The following NRG3 variants were observed in gnomAD, a reference collection of about 807,000 sequenced individuals.
The protein encoded by NRG3 is pro-neuregulin-3, membrane-bound isoform.
NRG3 carries 31 observed loss-of-function variants against 66.9 expected under a neutral mutation model. The ratio of observed to expected loss-of-function variants is 0.46; its 90% CI spans 0.35 to 0.63. The LOEUF is 0.63. NRG3 is among the 20% of genes least tolerant of loss of function. The pLI is 0.00. For missense variants in NRG3, 910 were observed against 878.9 expected (o/e 1.04, Z -0.45); for synonymous variants, 393 against 359.4 (o/e 1.09, Z -1.06).
rs889447549 is a variant in NRG3, at chr10:82,752,805, G to T, written c.1027+14155G>T. On this transcript the variant is annotated intron_variant, in intron 3 of 8. Coordinates refer to ENST00000372141, the MANE Select transcript of NRG3 (RefSeq NM_001010848.4). ...GCAAGAAGACGCAGTATAAGTACAA[G>T]GGCCTTTTACCTGCCAGCACTTTGA... Among the ~76,000 whole-genome samples, 4 of 152,140 alleles carry T rather than the reference G, an allele frequency of 2.6e-5. No homozygotes were observed. The South Asian group carries it at 8.3e-4, about 31-fold the overall frequency.
chr10:82,454,975 G>T (rs1307497126), intron 2 of NRG3, among the ~76,000 whole-genome samples: 2 of 152,198 alleles, frequency 1.3e-5, no homozygotes, highest in African/African-American at 4.8e-5. Context: ...TGAGGAAATT[G>T]ACAGCACAGA....
At chr10:82,805,394 C>T (rs960956553) in intron 3 of NRG3, among the ~76,000 whole-genome samples, 2 of 152,172 alleles carry the variant, frequency 1.3e-5, no homozygotes, top group African/African-American at 4.8e-5. Flanking sequence ...CACTGCTCCT[C>T]AAATAATTCC....
At position 82,979,045 on chromosome 10, in the gene NRG3, G is replaced by C. The variant is rs149882313; in HGVS notation, c.1508G>C (p.Gly503Ala). 81 of 1,614,116 alleles carry C rather than the reference G, an allele frequency of 5.0e-5. No individual in the cohort carries two copies. The highest frequency in any genetic ancestry group is 6.6e-5 in the Non-Finnish European group (78 of 1,179,992). Reference protein sequence around the residue: ...RTPPSPRSRLGGIVGPAYQQL... With the variant: ...RTPPSPRSRLAGIVGPAYQQL... ...CCCCCGTCACCCCGAAGTAGGCTAG[G>C]TGGAATTGTGGGACCAGCATATCAG... is the stretch of plus-strand genomic sequence containing the variant. The change falls in exon 8 of 9, where the codon GGT (glycine) becomes GCT (alanine). Residue 503 changes from glycine (G) to alanine (A), a missense_variant. Coordinates refer to ENST00000372141, the MANE Select transcript of NRG3 (RefSeq NM_001010848.4).
chr10:82,927,890 C>G (rs1466449023), intron 4 of NRG3, among the ~76,000 whole-genome samples: 1 of 152,128 alleles, frequency 6.6e-6, no homozygotes, highest in African/African-American at 2.4e-5. Flanking sequence ...AATGGTATTT[C>G]TGTTTCTAGA....
chr10:82,599,840 A>G (rs2047510328), intron 2 of NRG3, among the ~76,000 whole-genome samples: 1 of 152,160 alleles, frequency 6.6e-6, no homozygotes, highest in African/African-American at 2.4e-5. Flanking sequence ...AAATCAAAAT[A>G]AAGTGAAACA....
intron 4 of NRG3, among the ~76,000 whole-genome samples, chr10:82,895,343 T>C (rs1039830297): frequency 2.0e-5 from 3 of 151,950 alleles, no homozygotes; most frequent in South Asian, 4.2e-4. Flanking sequence ...GGTTGAAGAG[T>C]TGAGCTTAGA....
chr10:82,027,873 G>T (rs933219327), intron 1 of NRG3, among the ~76,000 whole-genome samples: 3 of 152,104 alleles, frequency 2.0e-5, no homozygotes, highest in African/African-American at 7.2e-5. Context: ...AAGACAGGAG[G>T]TGGAGAGCAG....
At chr10:82,637,229 G>A (rs984868228) in intron 2 of NRG3, among the ~76,000 whole-genome samples, 2 of 152,038 alleles carry the variant, frequency 1.3e-5, no homozygotes, top group African/African-American at 4.8e-5. Flanking sequence ...GGACACATAA[G>A]CCTTTTTAAA....
chr10:82,600,785 A>T (rs889895307), intron 2 of NRG3, among the ~76,000 whole-genome samples: 7 of 151,650 alleles, frequency 4.6e-5, no homozygotes, highest in African/African-American at 1.5e-4. Flanking sequence ...ATTTATTTTT[A>T]TTTTTTTTAA....
chr10:82,122,497 G>T (rs894536848), intron 1 of NRG3, among the ~76,000 whole-genome samples: 2 of 152,132 alleles, frequency 1.3e-5, no homozygotes, highest in African/African-American at 4.8e-5. Context: ...TGATAGCTCT[G>T]TTTCCTTTAT....
In NRG3 at chr10:82,959,040, G is replaced by A. The variant is rs1230352320; in HGVS notation, c.1249G>A (p.Glu417Lys). The change falls in exon 6 of 9, where the codon GAG becomes AAG. Residue 417 changes from glutamate to lysine, a missense_variant. Coordinates refer to ENST00000372141, the MANE Select transcript of NRG3 (RefSeq NM_001010848.4). Reference protein sequence around the residue: ...LKASSTMAKSENLVKSHVQLQ... With the variant: ...LKASSTMAKSKNLVKSHVQLQ... The stretch of plus-strand genomic sequence containing the variant: ...AGCATCCAGCACAATGGCAAAGTCA[G>A]AGAACTTGGTGAAGAGCCATGTCCA... 38 of 1,607,070 alleles carry A rather than the reference G, an allele frequency of 2.4e-5. No individual in the cohort carries two copies. The highest frequency in any genetic ancestry group is 3.1e-5 in the Non-Finnish European group (36 of 1,178,042).
At chr10:82,615,949 T>C (rs2048618794) in intron 2 of NRG3, among the ~76,000 whole-genome samples, 1 of 152,136 alleles carries the variant, frequency 6.6e-6, no homozygotes, top group African/African-American at 2.4e-5. Flanking sequence ...ACCTAGAATG[T>C]ACTTTAGATA....
At chr10:82,803,484 T>C (rs948675960) in intron 3 of NRG3, among the ~76,000 whole-genome samples, 3 of 152,314 alleles carry the variant, frequency 2.0e-5, no homozygotes, top group Non-Finnish European at 4.4e-5. Context: ...TTTAAAAAAA[T>C]GTTAGTTCAA....
chr10:82,901,653 A>G (rs1384258638), intron 4 of NRG3, among the ~76,000 whole-genome samples: 1 of 152,212 alleles, frequency 6.6e-6, no homozygotes, highest in East Asian at 1.9e-4. Context: ...TGGTACATAC[A>G]GAACAGGTGA....
intron 1 of NRG3, among the ~76,000 whole-genome samples, chr10:82,185,361 G>A (rs1375468076): frequency 6.6e-6 from 1 of 151,994 alleles, no homozygotes; most frequent in East Asian, 1.9e-4. Context: ...TATCTCCCTG[G>A]TATTTAACTT....
At chr10:82,137,025 T>C (rs181668426) in intron 1 of NRG3, among the ~76,000 whole-genome samples, 15 of 152,340 alleles carry the variant, frequency 9.8e-5, no homozygotes, top group African/African-American at 3.4e-4. Context: ...GTACTGTGAT[T>C]ACTCACCTGA....
At chr10:82,635,362 C>T (rs752973462) in intron 2 of NRG3, among the ~76,000 whole-genome samples, 1 of 152,120 alleles carries the variant, frequency 6.6e-6, no homozygotes, top group South Asian at 2.1e-4. Flanking sequence ...AATTCAAGAG[C>T]TTTTATGCTT....
At chr10:82,835,716 G>C (rs1057325654) in intron 3 of NRG3, among the ~76,000 whole-genome samples, 3 of 152,132 alleles carry the variant, frequency 2.0e-5, no homozygotes, top group African/African-American at 7.2e-5. Context: ...AGCTTTGCAG[G>C]ACAGCCAGAT....
At chr10:82,422,648 G>A (rs1160037206) in intron 2 of NRG3, among the ~76,000 whole-genome samples, 2 of 151,392 alleles carry the variant, frequency 1.3e-5, no homozygotes, top group African/African-American at 4.9e-5. Flanking sequence ...GTTTTGTTTT[G>A]TTTTGAATTA....
Sources: gnomAD v4.1 joint callset for allele counts (sites outside exome capture counted in the v4.1 genomes callset) on GRCh38, gnomAD v4.1.1 for gene constraint, MANE v1.5 for transcripts, NCBI Gene and HGNC (gene_info 2026-07-23, HGNC 2026-07-21) for gene names.